Variants in GABRB2 observed in about 807,000 individuals in gnomAD.
GABRB2 encodes gamma-aminobutyric acid receptor subunit beta-2.
GABRB2 carries 16 observed loss-of-function variants against 54.7 expected under a neutral mutation model. That is an observed-to-expected ratio of 0.29 (90% CI 0.20 to 0.44). The LOEUF is 0.44. Among genes scored for constraint, GABRB2 ranks in the 20% least tolerant of loss-of-function variants. The probability of loss-of-function intolerance (pLI) is 1.00; values close to 1 mark genes in which losing one functional copy is unlikely to be tolerated. For synonymous variants in GABRB2, 244 were observed against 233.8 expected, an observed-to-expected ratio of 1.04 and a Z score of -0.40; for missense variants, 355 against 644.0, an observed-to-expected ratio of 0.55 and a Z score of 4.86.
upstream of GABRB2, chr5:161,547,899 C>G (rs1029713769): frequency 2.0e-5 from 3 of 152,228 alleles, no homozygotes; most frequent in Admixed American, 6.5e-5. Flanking sequence ...CTCGCAGGCC[C>G]GCGCTCGCCG....
intron 5 of GABRB2, 85 bp downstream of exon 5, chr5:161,410,890 G>T (rs1230209256): frequency 1.0e-6 from 1 of 1,002,304 alleles, no homozygotes; most frequent in South Asian, 1.5e-5. Context: ...AGGGCCTGTG[G>T]TCTGGACATG....
At chr5:161,488,346 T>C (rs1056543157) in intron 3 of GABRB2, among the ~76,000 whole-genome samples, 1 of 151,678 alleles carries the variant, frequency 6.6e-6, no homozygotes, top group Non-Finnish European at 1.5e-5. Context: ...GAGTATGTTT[T>C]GGGGCCAGTA....
chr5:161,539,280 C>A (rs1308363033), intron 3 of GABRB2, among the ~76,000 whole-genome samples: 1 of 152,174 alleles, frequency 6.6e-6, no homozygotes, highest in Admixed American at 6.5e-5. Context: ...AAAAATATTT[C>A]ATTCCAAGGC....
intron 5 of GABRB2, among the ~76,000 whole-genome samples, chr5:161,362,171 T>C (rs1754832807): frequency 6.6e-6 from 1 of 152,330 alleles, no homozygotes; most frequent in East Asian, 1.9e-4. Context: ...CTGTTTTGAT[T>C]GCTGTAGCCA....
intron 5 of GABRB2, among the ~76,000 whole-genome samples, chr5:161,373,692 T>G (rs1006955165): frequency 1.3e-5 from 2 of 152,202 alleles, no homozygotes; most frequent in East Asian, 3.9e-4. Flanking sequence ...TATTATATAT[T>G]CCCAGCTCTA....
intron 5 of GABRB2, among the ~76,000 whole-genome samples, chr5:161,340,835 C>T (rs1754135431): frequency 6.6e-6 from 1 of 151,970 alleles, no homozygotes; most frequent in African/African-American, 2.4e-5. Flanking sequence ...CAATGGAAAA[C>T]ATAGCTGTTC....
At chr5:161,367,361 A>C (rs1174636710) in intron 5 of GABRB2, among the ~76,000 whole-genome samples, 1 of 152,228 alleles carries the variant, frequency 6.6e-6, no homozygotes, top group African/African-American at 2.4e-5. Context: ...AATGCTTAGC[A>C]TGAGACCTGG....
chr5:161,514,214 T>C (rs950884954), intron 3 of GABRB2, among the ~76,000 whole-genome samples: 8 of 152,136 alleles, frequency 5.3e-5, no homozygotes, highest in Non-Finnish European at 1.2e-4. Flanking sequence ...GACACTCTTC[T>C]CCCACCTCTT....
At chr5:161,457,746 C>A (rs1398326430) in intron 4 of GABRB2, among the ~76,000 whole-genome samples, 2 of 152,078 alleles carry the variant, frequency 1.3e-5, no homozygotes, top group African/African-American at 4.8e-5. Context: ...GCGCTCAGCC[C>A]CCTTTTCCTC....
intron 3 of GABRB2, among the ~76,000 whole-genome samples, chr5:161,487,072 G>T (rs547839009): frequency 9.9e-5 from 15 of 151,992 alleles, no homozygotes; most frequent in African/African-American, 3.4e-4. Flanking sequence ...GAAGAACAAA[G>T]AATTGATATT....
At chr5:161,523,886 G>A (rs537844228) in intron 3 of GABRB2, among the ~76,000 whole-genome samples, 29 of 151,346 alleles carry the variant, frequency 1.9e-4, no homozygotes, top group Middle Eastern at 3.4e-3. Flanking sequence ...ACTGAAAGTC[G>A]AATGGAAGCA....
At chr5:161,449,679 G>T (rs894943450) in intron 4 of GABRB2, among the ~76,000 whole-genome samples, 1 of 152,166 alleles carries the variant, frequency 6.6e-6, no homozygotes, top group East Asian at 1.9e-4. Flanking sequence ...TGAAAAAACC[G>T]TGCCCTTATG....
rs1285127035 is a variant in GABRB2, at chr5:161,336,625, T to C, written c.679+7A>G. The stretch of plus-strand genomic sequence containing the variant: ...ATTTTCCCTTAACACTTTTCCATGA[T>C]ACAAACCTGTGGAAAAAACAACCTT... On this transcript the variant is annotated splice_region_variant and intron_variant, in intron 6 of 9. Coordinates refer to ENST00000393959, the MANE Select transcript of GABRB2 (RefSeq NM_001371727.1). 8 of 1,612,702 alleles carry C rather than the reference T, an allele frequency of 5.0e-6. No individual in the cohort carries two copies. Among genetic ancestry groups the C allele is most frequent in the African/African-American group, 1.3e-5 (1 of 74,984 alleles).
chr5:161,540,284 C>T (rs1760772347), intron 3 of GABRB2, among the ~76,000 whole-genome samples: 1 of 152,222 alleles, frequency 6.6e-6, no homozygotes, highest in African/African-American at 2.4e-5. Flanking sequence ...GATTCCATCT[C>T]AAGAAACCAC....
intron 3 of GABRB2, among the ~76,000 whole-genome samples, chr5:161,529,683 C>G (rs1760397652): frequency 6.6e-6 from 1 of 151,924 alleles, no homozygotes; most frequent in African/African-American, 2.4e-5. Flanking sequence ...TGTTACTAGT[C>G]GTAATCAAAT....
rs1437873640 is a variant in GABRB2, at chr5:161,362,820, A to G, written c.542-26051T>C. ...CATTAGAGAAATGTAAATCAAAACC[A>G]CAATGAGATACCATCTCACGCCAAC... On this transcript the variant is annotated intron_variant, in intron 5 of 9. Coordinates refer to ENST00000393959, the MANE Select transcript of GABRB2 (RefSeq NM_001371727.1). Among the ~76,000 whole-genome samples the G allele has an allele frequency of 3.3e-4, 51 of 152,300 alleles. 1 individual carries two copies. The highest frequency in any genetic ancestry group is 1.5e-4 in the Non-Finnish European group (10 of 68,024).
intron 5 of GABRB2, among the ~76,000 whole-genome samples, chr5:161,386,347 G>A (rs927479945): frequency 3.3e-5 from 5 of 152,088 alleles, no homozygotes; most frequent in Non-Finnish European, 7.4e-5. Context: ...GCTAAAAAAT[G>A]AAATTAGCTT....
chr5:161,305,026 T>C (rs1035912547), intron 9 of GABRB2, among the ~76,000 whole-genome samples: 2 of 106,858 alleles, frequency 1.9e-5, no homozygotes, highest in Non-Finnish European at 3.6e-5. Flanking sequence ...TTTTTTTTTT[T>C]TGAGACGGAG....
At chr5:161,531,932 A>G (rs533195823) in intron 3 of GABRB2, among the ~76,000 whole-genome samples, 2 of 152,276 alleles carry the variant, frequency 1.3e-5, no homozygotes, top group African/African-American at 2.4e-5. Flanking sequence ...GACCTTGGAC[A>G]AGTTCACTAC....
Sources: gnomAD v4.1 joint callset for allele counts (sites outside exome capture counted in the v4.1 genomes callset) on GRCh38, gnomAD v4.1.1 for gene constraint, MANE v1.5 for transcripts, NCBI Gene and HGNC (gene_info 2026-07-23, HGNC 2026-07-21) for gene names.